Variants in CSPP1 observed in about 807,000 individuals in gnomAD.
CSPP1 encodes the protein centrosome and spindle pole associated protein 1, also known as centrosome and spindle pole-associated protein 1.
In CSPP1, 126 loss-of-function variants were observed where a neutral mutation model predicts 164.4. That is an observed-to-expected ratio of 0.77 (90% CI 0.66 to 0.89). CSPP1 has a LOEUF of 0.89. Ranked by LOEUF, CSPP1 falls within the 40% of genes least tolerant of loss-of-function variation. The pLI, the probability that CSPP1 is intolerant of heterozygous loss-of-function variation, is 0.00. For synonymous variants in CSPP1, 472 were observed against 476.7 expected, an observed-to-expected ratio of 0.99 and a Z score of 0.13; for missense variants, 1,395 against 1,449.8, an observed-to-expected ratio of 0.96 and a Z score of 0.61.
intron 15 of CSPP1, among the ~76,000 whole-genome samples, chr8:67,126,260 C>T (rs889712375): frequency 1.1e-4 from 16 of 152,098 alleles, no homozygotes; most frequent in African/African-American, 3.4e-4. Context: ...CTTTTTTCCC[C>T]GTATGTATGG....
rs144936324 is a variant in CSPP1, at chr8:67,187,349, T to C, written c.3221-3301T>C. ...TTATAATAAACAAGACAGTGTGGCATTGGTGAAAGAACAGACAAATAGACC... is the reference window on the plus strand; with the variant it reads ...TTATAATAAACAAGACAGTGTGGCACTGGTGAAAGAACAGACAAATAGACC... On this transcript the variant is annotated intron_variant, in intron 28 of 30. Transcript: ENST00000678616. Among the ~76,000 whole-genome samples the C allele has an allele frequency of 3.0e-3, 463 of 152,246 alleles. 6 individuals carry two copies. The highest frequency in any genetic ancestry group is 9.7e-3 in the African/African-American group (405 of 41,564).
chr8:67,093,546 A>C lies in CSPP1; in HGVS notation c.388A>C (p.Arg130=). The C allele has an allele frequency of 1.3e-6, 2 of 1,585,826 alleles. No individual in the cohort carries two copies. The highest frequency in any genetic ancestry group is 1.7e-6 in the Non-Finnish European group (2 of 1,163,758). ...PIGERLSAKE[R]LKLERNKEYN... ...GCCTTTTGATTTTTATTTTAAGGAA[A>C]GGTTGAAACTTGAACGTAACAAAGA... The change falls in exon 6 of 31, where the codon AGG becomes CGG. Residue 130 remains arginine (R), a synonymous_variant. Coordinates refer to ENST00000678616, the MANE Select transcript of CSPP1 (RefSeq NM_001382391.1).
At chr8:67,094,752 C>T (rs1054963475) in intron 6 of CSPP1, among the ~76,000 whole-genome samples, 7 of 152,112 alleles carry the variant, frequency 4.6e-5, no homozygotes, top group African/African-American at 1.7e-4. Flanking sequence ...ATGTAAACCA[C>T]AATCAAGATA....
intron 17 of CSPP1, among the ~76,000 whole-genome samples, chr8:67,145,334 A>G (rs1824305884): frequency 6.6e-6 from 1 of 151,922 alleles, no homozygotes. Flanking sequence ...TGTAATTTGT[A>G]TATTTTCTTA....
At chr8:67,181,653 A>G (rs1833079004) in intron 28 of CSPP1, among the ~76,000 whole-genome samples, 1 of 152,226 alleles carries the variant, frequency 6.6e-6, no homozygotes, top group Non-Finnish European at 1.5e-5. Context: ...ATTATTTTAA[A>G]AAATAGGGTT....
At chr8:67,078,005 T>C (rs988246202) in intron 3 of CSPP1, among the ~76,000 whole-genome samples, 1 of 152,224 alleles carries the variant, frequency 6.6e-6, no homozygotes, top group Non-Finnish European at 1.5e-5. Context: ...TCTAAGGCTC[T>C]CAATTTTTTT....
chr8:67,130,951 G>A (rs934499714), intron 15 of CSPP1, among the ~76,000 whole-genome samples: 9 of 152,122 alleles, frequency 5.9e-5, no homozygotes, highest in Non-Finnish European at 1.2e-4. Context: ...TGGCACCATC[G>A]CACTTCAGCC....
At chr8:67,078,029 TTTGA>T (rs1237928225) in intron 3 of CSPP1, among the ~76,000 whole-genome samples, 1 of 152,226 alleles carries the variant, frequency 6.6e-6, no homozygotes. Context: ...GTGAAATAAG[TTTGA>T]TTATCTTCCA....
chr8:67,095,818 C>T (rs1182540802), intron 7 of CSPP1, 86 bp downstream of exon 7: 12 of 799,732 alleles, frequency 1.5e-5, no homozygotes, highest in African/African-American at 1.8e-5. Context: ...TATCATTATA[C>T]TAGGGAGAAG....
chr8:67,149,203 C>A (rs1484550379), intron 17 of CSPP1, among the ~76,000 whole-genome samples: 1 of 152,054 alleles, frequency 6.6e-6, no homozygotes, highest in Non-Finnish European at 1.5e-5. Flanking sequence ...AGTGAATGAT[C>A]CATAGATAAG....
intron 25 of CSPP1, chr8:67,174,331 T>C (rs757263222): frequency 1.3e-5 from 2 of 152,206 alleles, no homozygotes; most frequent in Non-Finnish European, 2.9e-5. Context: ...GCTTTATACA[T>C]ATTTAGGACC....
rs1835986082 is a variant in CSPP1 at position 67,190,730 on chromosome 8, A to G, written c.3301A>G (p.Arg1101Gly). 6.2e-7 allele frequency: 1 copy of G among 1,613,632 alleles called. No individual in the cohort carries two copies. Among genetic ancestry groups the G allele is most frequent in the East Asian group, 2.2e-5 (1 of 44,882 alleles). ...ACAGTTGCCCTCTGCACGGGAGCGC[A>G]GGAGGAACAAATGGAAAGGACTAGA... Reference protein sequence around the residue: ...PSQLPSARERRRNKWKGLDID... With the variant: ...PSQLPSARERGRNKWKGLDID... Residue 1101 changes from arginine to glycine, a missense_variant, in exon 29 of 31, where the codon AGG becomes GGG. Transcript: ENST00000678616.
chr8:67,084,690 G>A (rs1810014873), intron 3 of CSPP1, among the ~76,000 whole-genome samples: 1 of 151,338 alleles, frequency 6.6e-6, no homozygotes, highest in Non-Finnish European at 1.5e-5. Context: ...AATGTGCCAT[G>A]ATCACGCCAC....
chr8:67,196,023 TTC>T lies in CSPP1; in HGVS notation c.*432_*433del, dbSNP rs1353781917. 1.3e-5 allele frequency: 2 copies of T among 158,298 alleles called. No individual in the cohort carries two copies. The highest frequency in any genetic ancestry group is 2.8e-5 in the Non-Finnish European group (2 of 71,754). 9.8% of individuals were successfully genotyped at this position (158,298 alleles called of 1,614,324 possible). On this transcript the variant is annotated 3_prime_UTR_variant, in exon 31 of 31. Coordinates refer to ENST00000678616, the MANE Select transcript of CSPP1 (RefSeq NM_001382391.1). ...CTATTGTAGCTGTGATTATTCCAGT[TTC>T]TGTGTGATGCAATCAAATGTCCTAT... is the stretch of plus-strand genomic sequence containing the variant.
chr8:67,184,943 CAAAAAAAA>C (rs796384901), intron 28 of CSPP1, among the ~76,000 whole-genome samples: 4 of 56,086 alleles, frequency 7.1e-5, no homozygotes, highest in African/African-American at 2.0e-4. Context: ...ACTAAAAATA[CAAAAAAAA>C]AAAAAAAAAA....
chr8:67,147,793 C>T (rs143590590), intron 17 of CSPP1, among the ~76,000 whole-genome samples: 148 of 152,242 alleles, frequency 9.7e-4, no homozygotes, highest in African/African-American at 3.5e-3. Context: ...TAAGGACTGT[C>T]ATCTGACCTT....
intron 3 of CSPP1, among the ~76,000 whole-genome samples, chr8:67,077,774 A>G (rs1808271900): frequency 6.6e-6 from 1 of 152,210 alleles, no homozygotes; most frequent in Admixed American, 6.5e-5. Flanking sequence ...GGATGTAGGT[A>G]TACTCCTAAA....
chr8:67,103,283 G>A (rs1253342614), intron 8 of CSPP1, 148 bp downstream of exon 8: 3 of 573,288 alleles, frequency 5.2e-6, no homozygotes, highest in Non-Finnish European at 9.2e-6. Context: ...AAAGAAAGGT[G>A]GGGAGGTAGT....
At chr8:67,125,412 T>C (rs1819862578) in intron 15 of CSPP1, among the ~76,000 whole-genome samples, 1 of 152,234 alleles carries the variant, frequency 6.6e-6, no homozygotes, top group South Asian at 2.1e-4. Flanking sequence ...TGTTTGGCTG[T>C]ATAAGTGTGG....
Sources: gnomAD v4.1 joint callset for allele counts (sites outside exome capture counted in the v4.1 genomes callset) on GRCh38, gnomAD v4.1.1 for gene constraint, MANE v1.5 for transcripts, NCBI Gene and HGNC (gene_info 2026-07-23, HGNC 2026-07-21) for gene names.